CD109: variants seen among roughly 807,000 people sequenced by gnomAD.
The protein encoded by CD109 is CD109 antigen.
In CD109, 149 loss-of-function variants were observed where a neutral mutation model predicts 165.8. The observed-to-expected ratio is 0.90, with a 90% CI of 0.79 to 1.03. The LOEUF (loss-of-function observed/expected upper bound fraction) is 1.03, where lower values mean the gene tolerates loss of function less well. Among genes scored for constraint, CD109 ranks in the 50% least tolerant of loss-of-function variants. CD109 has a pLI of 0.00. For missense variants in CD109, 1,712 were observed against 1,677.8 expected, an observed-to-expected ratio of 1.02 and a Z score of -0.36; for synonymous variants, 585 against 592.1, an observed-to-expected ratio of 0.99 and a Z score of 0.18.
At chr6:73,767,184 T>C (rs1286365390) in intron 13 of CD109, among the ~76,000 whole-genome samples, 174 bp downstream of exon 13, 1 of 152,136 alleles carries the variant, frequency 6.6e-6, no homozygotes, top group East Asian at 1.9e-4. Context: ...ATTAGTTATT[T>C]TTCCTGATCC....
At chr6:73,748,685 C>T (rs1363678605) in intron 5 of CD109, among the ~76,000 whole-genome samples, 2 of 152,204 alleles carry the variant, frequency 1.3e-5, no homozygotes, top group Non-Finnish European at 2.9e-5. Context: ...AGGAACTGGA[C>T]ACCTCTATTT....
chr6:73,742,603 G>A (rs1480789551), intron 5 of CD109, among the ~76,000 whole-genome samples: 1 of 152,232 alleles, frequency 6.6e-6, no homozygotes, highest in African/African-American at 2.4e-5. Context: ...GTTCCTCCAA[G>A]AGCCCGAAAG....
intron 3 of CD109, among the ~76,000 whole-genome samples, chr6:73,729,696 T>C (rs1459651105): frequency 6.6e-6 from 1 of 151,848 alleles, no homozygotes; most frequent in Non-Finnish European, 1.5e-5. Flanking sequence ...GTAGTTTTAG[T>C]AGAGATGGGG....
intron 17 of CD109, among the ~76,000 whole-genome samples, chr6:73,781,836 C>CACACACACACACACACACACACACACACA (rs386359122): frequency 1.3e-4 from 8 of 62,162 alleles, no homozygotes; most frequent in African/African-American, 5.7e-4. Flanking sequence ...CACACACACA[C>CACACACACACACACACACACACACACACA]CCCTCATCAA....
chr6:73,751,075 T>C (rs1261414932), intron 5 of CD109, among the ~76,000 whole-genome samples: 2 of 152,168 alleles, frequency 1.3e-5, no homozygotes, highest in Non-Finnish European at 2.9e-5. Flanking sequence ...TGCCTTTGAC[T>C]CCTCCAGACT....
At chr6:73,731,771 C>T (rs1427715407) in intron 4 of CD109, among the ~76,000 whole-genome samples, 1 of 152,158 alleles carries the variant, frequency 6.6e-6, no homozygotes, top group East Asian at 1.9e-4. Context: ...GTTTCCTTAT[C>T]TAGAAAATAT....
chr6:73,763,378 T>C (rs541271201), intron 9 of CD109, among the ~76,000 whole-genome samples, 198 bp from the exon 10 acceptor site: 1 of 152,304 alleles, frequency 6.6e-6, no homozygotes, highest in African/African-American at 2.4e-5. Context: ...ATGGCAGCAA[T>C]GGTGCTTAGA....
Position 73,825,450 on chromosome 6 carries a change from CT to C in CD109, c.*1819del, listed in dbSNP as rs1776241083. On this transcript the variant is annotated 3_prime_UTR_variant, in exon 33 of 33. Coordinates refer to ENST00000287097, the MANE Select transcript of CD109 (RefSeq NM_133493.5). ...TCTTACAAAGAAATTGGGGGAGGGT[CT>C]TGGCAAAGGACTTTCCCCTCCTCTT... 2 of 152,132 alleles carry C rather than the reference CT, an allele frequency of 1.3e-5. No individual in the cohort carries two copies. The highest frequency in any genetic ancestry group is 1.3e-4 in the Admixed American group (2 of 15,268). The allele number at this position is 152,132 out of a possible 1,614,324, so 9.4% of individuals were successfully genotyped here. A position where few individuals can be genotyped will look rare whatever the true frequency, so the allele number is the denominator to read the frequency against.
intron 21 of CD109, 73 bp from the exon 22 acceptor site, chr6:73,788,395 C>T (rs1774779118): frequency 1.1e-5 from 15 of 1,362,450 alleles, no homozygotes; most frequent in Non-Finnish European, 1.5e-5. Context: ...GATGTTTGTG[C>T]TCATATCTGC....
intron 5 of CD109, among the ~76,000 whole-genome samples, chr6:73,743,807 A>T (rs1211247765): frequency 6.6e-6 from 1 of 152,214 alleles, no homozygotes; most frequent in Non-Finnish European, 1.5e-5. Context: ...GGCTTCCAAA[A>T]TACTTTCACT....
At chr6:73,821,723 G>A (rs1025507794) in intron 32 of CD109, among the ~76,000 whole-genome samples, 4 of 152,154 alleles carry the variant, frequency 2.6e-5, no homozygotes, top group Non-Finnish European at 5.9e-5. Flanking sequence ...GACTTCAAAA[G>A]TGGGGAGGGA....
At chr6:73,777,483 T>G (rs1774295489) in intron 15 of CD109, among the ~76,000 whole-genome samples, 1 of 152,136 alleles carries the variant, frequency 6.6e-6, no homozygotes, top group South Asian at 2.1e-4. Context: ...TTGAAATCTT[T>G]GGCTGTTCCT....
intron 22 of CD109, among the ~76,000 whole-genome samples, chr6:73,790,603 G>A (rs954371682): frequency 2.0e-5 from 3 of 152,176 alleles, no homozygotes; most frequent in African/African-American, 7.2e-5. Context: ...CTCACTCTGA[G>A]TCCAAAGGCC....
chr6:73,746,399 C>A (rs549506509), intron 5 of CD109, among the ~76,000 whole-genome samples: 10 of 152,232 alleles, frequency 6.6e-5, no homozygotes, highest in Non-Finnish European at 1.3e-4. Flanking sequence ...GGGTAACTTT[C>A]CTATTCAGTA....
chr6:73,745,939 A>G (rs926184039), intron 5 of CD109, among the ~76,000 whole-genome samples: 10 of 152,358 alleles, frequency 6.6e-5, no homozygotes, highest in Non-Finnish European at 1.3e-4. Context: ...CACATTGGCC[A>G]GGCTGGTCTT....
intron 32 of CD109, among the ~76,000 whole-genome samples, chr6:73,822,847 A>T (rs899694484): frequency 2.6e-5 from 4 of 152,244 alleles, no homozygotes; most frequent in Admixed American, 2.0e-4. Flanking sequence ...TAAATTTGAA[A>T]ATAGAATATG....
Position 73,794,184 on chromosome 6 carries a change from A to G in CD109, c.2878+1382A>G, listed in dbSNP as rs187180289. Reference sequence around the variant, plus strand: ...TAATTCTCACAAAAACTCTAGGAGCAGGTGTCCTATTATTATTTCCATTTT... The same window carrying G: ...TAATTCTCACAAAAACTCTAGGAGCGGGTGTCCTATTATTATTTCCATTTT... On this transcript the variant is annotated intron_variant, in intron 23 of 32. Transcript: ENST00000287097. Among the ~76,000 whole-genome samples the G allele has an allele frequency of 7.5e-4, 114 of 152,340 alleles. 1 individual carries two copies. The highest frequency in any genetic ancestry group is 2.7e-3 in the African/African-American group (112 of 41,582).
At position 73,807,049 on chromosome 6, in the gene CD109, C is replaced by T; in HGVS notation, c.3166C>T (p.Leu1056Phe). 6.2e-7 allele frequency: 1 copy of T among 1,612,208 alleles called. No individual in the cohort carries two copies. Among genetic ancestry groups the T allele is most frequent in the South Asian group, 1.1e-5 (1 of 91,024 alleles). The change falls in exon 25 of 33, where the codon CTC becomes TTC. Residue 1056 changes from leucine to phenylalanine, a missense_variant. Leu to Phe is a conservative substitution (Grantham distance 22, BLOSUM62 0). Coordinates refer to ENST00000287097, the MANE Select transcript of CD109 (RefSeq NM_133493.5). ...ACTTACAGCCTATATTGTAACTTCTCTCCTGGGATATAGAAAGTATCAGGT... is the reference window on the plus strand; with the variant it reads ...ACTTACAGCCTATATTGTAACTTCTTTCCTGGGATATAGAAAGTATCAGGT... The part of the protein sequence containing the change: ...VTLTAYIVTS[L>F]LGYRKYQPNI...
At chr6:73,743,931 A>G (rs1772882341) in intron 5 of CD109, among the ~76,000 whole-genome samples, 1 of 152,254 alleles carries the variant, frequency 6.6e-6, no homozygotes, top group African/African-American at 2.4e-5. Flanking sequence ...TTCTTAGAGC[A>G]TTATCTGGCA....
Sources: gnomAD v4.1 joint callset for allele counts (sites outside exome capture counted in the v4.1 genomes callset) on GRCh38, gnomAD v4.1.1 for gene constraint, MANE v1.5 for transcripts, NCBI Gene and HGNC (gene_info 2026-07-23, HGNC 2026-07-21) for gene names.